The following ATG7 variants were observed in gnomAD, a reference collection of about 807,000 sequenced individuals.
The protein encoded by ATG7 is ubiquitin-like modifier-activating enzyme ATG7.
In ATG7, 70 loss-of-function variants were observed where a neutral mutation model predicts 82.4. The ratio of observed to expected loss-of-function variants is 0.85; its 90% CI spans 0.70 to 1.04. The LOEUF is 1.04. ATG7 is among the 50% of genes least tolerant of loss of function. The probability of loss-of-function intolerance (pLI) is 0.00; values close to 1 mark genes in which losing one functional copy is unlikely to be tolerated. For missense variants in ATG7, 792 were observed against 864.3 expected, an observed-to-expected ratio of 0.92 and a Z score of 1.05; for synonymous variants, 287 against 313.0, an observed-to-expected ratio of 0.92 and a Z score of 0.88.
chr3:11,566,698 G>A, the ATG7 span, among the ~76,000 whole-genome samples: 82 of 152,250 alleles, frequency 5.4e-4, 1 homozygote, highest in African/African-American at 1.8e-3. Flanking sequence ...CCCGTCCTGC[G>A]CTGCCAACCA....
intron 20 of ATG7, chr3:11,477,381 A>G: frequency 1.1e-6 from 1 of 951,624 alleles, no homozygotes; most frequent in Non-Finnish European, 1.3e-6. Flanking sequence ...GTGCTGTGAA[A>G]TGCTAAATGG....
chr3:11,283,560 C>T (rs1004565129), intron 3 of ATG7, among the ~76,000 whole-genome samples: 3 of 152,106 alleles, frequency 2.0e-5, no homozygotes, highest in Non-Finnish European at 4.4e-5. Flanking sequence ...AATCCACACT[C>T]GGGTTCATCT....
intron 3 of ATG7, among the ~76,000 whole-genome samples, chr3:11,286,363 A>G (rs1464096247): frequency 1.3e-5 from 2 of 152,184 alleles, no homozygotes; most frequent in Non-Finnish European, 2.9e-5. Flanking sequence ...TGAAAAAACA[A>G]TAATAGGTTT....
At chr3:11,353,015 A>G (rs2075677581) in intron 14 of ATG7, among the ~76,000 whole-genome samples, 1 of 152,242 alleles carries the variant, frequency 6.6e-6, no homozygotes, top group Non-Finnish European at 1.5e-5. Context: ...GATTGGTTTT[A>G]TTAATGCAAG....
chr3:11,448,211 A>G (rs957272373), intron 20 of ATG7, among the ~76,000 whole-genome samples: 3 of 152,212 alleles, frequency 2.0e-5, no homozygotes, highest in African/African-American at 7.2e-5. Context: ...CACCACCTCC[A>G]AACAAAGAAC....
intron 20 of ATG7, among the ~76,000 whole-genome samples, chr3:11,526,611 A>C (rs1190586325): frequency 1.3e-5 from 2 of 152,162 alleles, no homozygotes; most frequent in Non-Finnish European, 2.9e-5. Flanking sequence ...AGCATTGTTG[A>C]CCTATCTTGT....
chr3:11,519,539 G>GGTT (rs2092377143), intron 20 of ATG7, among the ~76,000 whole-genome samples: 1 of 62,154 alleles, frequency 1.6e-5, no homozygotes, highest in African/African-American at 5.1e-5. Context: ...AGTGAGAGGA[G>GGTT]TTTTTTTTTT....
intron 20 of ATG7, among the ~76,000 whole-genome samples, chr3:11,533,129 C>T (rs1481120584): frequency 6.6e-6 from 1 of 152,198 alleles, no homozygotes; most frequent in Non-Finnish European, 1.5e-5. Context: ...GGGCAGTGCT[C>T]TTCACCCCGG....
the ATG7 span, among the ~76,000 whole-genome samples, chr3:11,573,178 C>A: frequency 6.8e-6 from 1 of 146,726 alleles, no homozygotes; most frequent in Non-Finnish European, 1.5e-5. Flanking sequence ...GAAAGAAAGA[C>A]AGACAGACAG....
At chr3:11,550,582 G>A (rs1430271741) in intron 20 of ATG7, among the ~76,000 whole-genome samples, 1 of 152,066 alleles carries the variant, frequency 6.6e-6, no homozygotes, top group Non-Finnish European at 1.5e-5. Flanking sequence ...AATTATTGTA[G>A]AGAAAGGGTC....
At chr3:11,460,041 C>A (rs1436711799) in intron 20 of ATG7, among the ~76,000 whole-genome samples, 1 of 152,154 alleles carries the variant, frequency 6.6e-6, no homozygotes, top group Non-Finnish European at 1.5e-5. Context: ...GCTCAGCATC[C>A]CAACTCTGGG....
intron 18 of ATG7, among the ~76,000 whole-genome samples, chr3:11,370,670 G>A (rs2076934724): frequency 6.6e-6 from 1 of 151,114 alleles, no homozygotes; most frequent in Non-Finnish European, 1.5e-5. Context: ...GCCTGGGTCT[G>A]AAGCTAATTT....
At chr3:11,460,643 T>G (rs975109437) in intron 20 of ATG7, among the ~76,000 whole-genome samples, 1 of 152,182 alleles carries the variant, frequency 6.6e-6, no homozygotes, top group Non-Finnish European at 1.5e-5. Flanking sequence ...ATGAATTCCC[T>G]CCCTGTACAA....
At chr3:11,477,150 G>A (rs951818123) in intron 20 of ATG7, 14 of 1,289,640 alleles carry the variant, frequency 1.1e-5, no homozygotes, top group Admixed American at 2.3e-5. Context: ...TGAGATCTTC[G>A]GCTCTGGATG....
chr3:11,315,421 G>C lies in ATG7; in HGVS notation c.606G>C (p.Lys202Asn). 1 of 1,612,962 alleles carries C rather than the reference G, an allele frequency of 6.2e-7. No homozygotes were observed. Among genetic ancestry groups the C allele is most frequent in the Non-Finnish European group, 8.5e-7 (1 of 1,179,442 alleles). Residue 202 changes from lysine (K) to asparagine (N), a missense_variant, in exon 9 of 21, where the codon AAG (lysine) becomes AAC (asparagine). By Grantham distance (94) the Lys-to-Asn change is moderately conservative. Coordinates refer to ENST00000693202, the MANE Select transcript of ATG7 (RefSeq NM_001349232.2). ...CAGCTCTTCCTTACTTCTTAATCAA[G>C]TATGATGAGAACATGGTGCTGGTTT... is the stretch of plus-strand genomic sequence containing the variant. ...GVTALPYFLI[K>N]YDENMVLVSL...
chr3:11,295,771 CTTTTCTTTCTTTCTTTCTTTT>C (rs1945780963), intron 3 of ATG7, among the ~76,000 whole-genome samples: 1 of 38,344 alleles, frequency 2.6e-5, no homozygotes, highest in Non-Finnish European at 9.1e-5. Flanking sequence ...TTCTTTCTTT[CTTTTCTTTCTTTCTTTCTTTT>C]TTTTTTTTTT....
At chr3:11,460,217 T>C (rs2086172615) in intron 20 of ATG7, among the ~76,000 whole-genome samples, 1 of 152,254 alleles carries the variant, frequency 6.6e-6, no homozygotes, top group African/African-American at 2.4e-5. Flanking sequence ...AGGAACAATC[T>C]AGGCTCTATC....
chr3:11,559,605 T>TAAAC, downstream of ATG7: 2 of 1,246,286 alleles, frequency 1.6e-6, no homozygotes, highest in Non-Finnish European at 2.1e-6. Flanking sequence ...GTCCTGTTGC[T>TAAAC]AAACACAGCC....
At chr3:11,558,821 G>A (rs908995734), downstream of ATG7, 2 of 1,610,554 alleles carry the variant, frequency 1.2e-6, no homozygotes, top group Non-Finnish European at 1.7e-6. Context: ...GTCACAGGTG[G>A]TGGCAGCTGC....
Sources: gnomAD v4.1 joint callset for allele counts (sites outside exome capture counted in the v4.1 genomes callset) on GRCh38, gnomAD v4.1.1 for gene constraint, MANE v1.5 for transcripts, NCBI Gene and HGNC (gene_info 2026-07-23, HGNC 2026-07-21) for gene names.